The following TLK1 variants were observed in gnomAD, a reference collection of about 807,000 sequenced individuals.
TLK1 encodes serine/threonine-protein kinase tousled-like 1.
A neutral mutation model predicts 105.3 loss-of-function variants in TLK1; 24 were observed. The observed-to-expected ratio is 0.23, with a 90% CI of 0.17 to 0.32. TLK1 has a LOEUF of 0.32. Ranked by LOEUF, TLK1 falls within the 10% of genes least tolerant of loss-of-function variation. TLK1 has a pLI of 1.00. For synonymous variants in TLK1, 321 were observed against 310.4 expected, an observed-to-expected ratio of 1.03 and a Z score of -0.36; for missense variants, 558 against 910.5, an observed-to-expected ratio of 0.61 and a Z score of 4.98.
chr2:171,112,373 A>G (rs1690214414), intron 2 of TLK1, among the ~76,000 whole-genome samples: 3 of 152,236 alleles, frequency 2.0e-5, no homozygotes, highest in African/African-American at 7.2e-5. Context: ...GAAAAATCTG[A>G]GTCTTTTAAT....
Position 171,073,765 on chromosome 2 carries a change from T to TA in TLK1, c.330+9015dup, listed in dbSNP as rs963683879. On this transcript the variant is annotated intron_variant, in intron 3 of 20. Coordinates refer to ENST00000431350, the MANE Select transcript of TLK1 (RefSeq NM_012290.5). ...GGTGAATTAAATACTGTTTTCTCTTTAAAAAAAAAAAGTTACAAAGTAATT... is the reference window on the plus strand; with the variant it reads ...GGTGAATTAAATACTGTTTTCTCTTTAAAAAAAAAAAAGTTACAAAGTAATT... Among the ~76,000 whole-genome samples, 148 of 146,600 alleles carry TA rather than the reference T, an allele frequency of 1.0e-3. 2 individuals carry two copies. In the Middle Eastern group the frequency reaches 0.014, roughly 14 times the overall value.
intron 2 of TLK1, among the ~76,000 whole-genome samples, chr2:171,100,726 A>C (rs564088071): frequency 1.1e-4 from 17 of 152,330 alleles, no homozygotes; most frequent in African/African-American, 4.1e-4. Flanking sequence ...TGCTGGTAGG[A>C]ATATAAAATG....
chr2:171,048,361 G>A (rs1421690717), intron 10 of TLK1, among the ~76,000 whole-genome samples: 2 of 152,126 alleles, frequency 1.3e-5, no homozygotes, highest in African/African-American at 2.4e-5. Flanking sequence ...GACAATTGCC[G>A]GTCTGGGTTT....
chr2:171,055,718 G>A (rs1318189660), intron 6 of TLK1, among the ~76,000 whole-genome samples: 3 of 151,738 alleles, frequency 2.0e-5, no homozygotes, highest in African/African-American at 4.8e-5. Flanking sequence ...TTTTATACAC[G>A]GCAATGTGAT....
intron 14 of TLK1, among the ~76,000 whole-genome samples, chr2:171,010,303 G>A (rs1255772942): frequency 4.6e-5 from 7 of 152,116 alleles, no homozygotes; most frequent in Admixed American, 3.3e-4. Flanking sequence ...CAGATGAATG[G>A]CAATGTTATA....
chr2:171,092,620 C>T (rs990901355), intron 2 of TLK1, among the ~76,000 whole-genome samples: 12 of 152,004 alleles, frequency 7.9e-5, no homozygotes, highest in Non-Finnish European at 1.2e-4. Context: ...TGGGTTAAAC[C>T]TGCAAACTGT....
chr2:171,123,374 T>A (rs942067914), intron 1 of TLK1, among the ~76,000 whole-genome samples: 5 of 57,090 alleles, frequency 8.8e-5, no homozygotes, highest in African/African-American at 1.6e-4. Context: ...TTTTTGTAAT[T>A]TTTTTTTTAG....
chr2:171,019,464 A>G (rs1685375211), intron 12 of TLK1, among the ~76,000 whole-genome samples: 1 of 152,250 alleles, frequency 6.6e-6, no homozygotes, highest in Non-Finnish European at 1.5e-5. Flanking sequence ...CATTAAAACT[A>G]TAAGGCTTAA....
chr2:171,116,063 T>C (rs1690412616), intron 2 of TLK1, among the ~76,000 whole-genome samples: 1 of 152,230 alleles, frequency 6.6e-6, no homozygotes, highest in South Asian at 2.1e-4. Context: ...AAATGGTTAA[T>C]GGTGATGCTT....
chr2:171,187,707 A>G (rs1693061623), intron 1 of TLK1, among the ~76,000 whole-genome samples: 1 of 152,158 alleles, frequency 6.6e-6, no homozygotes, highest in South Asian at 2.1e-4. Context: ...GTTTTAAAAT[A>G]TTGTTTATTG....
At chr2:171,000,707 A>G (rs1392381557) in intron 18 of TLK1, among the ~76,000 whole-genome samples, 1 of 152,152 alleles carries the variant, frequency 6.6e-6, no homozygotes, top group Non-Finnish European at 1.5e-5. Context: ...AACTTTACAG[A>G]CATAATTTGT....
intron 3 of TLK1, among the ~76,000 whole-genome samples, chr2:171,081,469 T>C (rs1424685714): frequency 6.6e-6 from 1 of 152,214 alleles, no homozygotes; most frequent in Non-Finnish European, 1.5e-5. Flanking sequence ...TGGGAAAATA[T>C]CAAGAAATGT....
intron 11 of TLK1, chr2:171,045,500 C>A (rs1686918478): frequency 6.7e-6 from 1 of 150,278 alleles, no homozygotes; most frequent in South Asian, 2.1e-4. Flanking sequence ...CAGGCATGAG[C>A]CACCGTGCCC....
chr2:171,036,262 T>A (rs551619436), intron 11 of TLK1, among the ~76,000 whole-genome samples: 1 of 152,290 alleles, frequency 6.6e-6, no homozygotes, highest in Non-Finnish European at 1.5e-5. Flanking sequence ...CTGACCAGCA[T>A]GGTGAAACCC....
intron 18 of TLK1, among the ~76,000 whole-genome samples, chr2:171,002,438 C>A (rs373082377): frequency 1.3e-5 from 2 of 151,808 alleles, no homozygotes; most frequent in Non-Finnish European, 2.9e-5. Context: ...CCATGCCCGG[C>A]TAATTTTTTG....
upstream of TLK1, among the ~76,000 whole-genome samples, chr2:171,162,883 C>T (rs754948507): frequency 7.2e-5 from 11 of 152,214 alleles, no homozygotes; most frequent in Non-Finnish European, 1.3e-4. Flanking sequence ...GCCTCCGCCT[C>T]CCGGGTTCAA....
intron 2 of TLK1, among the ~76,000 whole-genome samples, chr2:171,098,398 A>T (rs901779192): frequency 6.6e-6 from 1 of 152,212 alleles, no homozygotes; most frequent in African/African-American, 2.4e-5. Context: ...ATACCTCAAT[A>T]AAGCTGGGGT....
chr2:171,153,217 A>C (rs1315613395), intron 1 of TLK1, among the ~76,000 whole-genome samples: 3 of 152,230 alleles, frequency 2.0e-5, no homozygotes, highest in African/African-American at 7.2e-5. Flanking sequence ...TCTAGGTCAC[A>C]CTGGTAAGTC....
At chr2:171,120,769 T>G (rs530436352) in intron 1 of TLK1, among the ~76,000 whole-genome samples, 5 of 152,224 alleles carry the variant, frequency 3.3e-5, no homozygotes, top group Non-Finnish European at 5.9e-5. Flanking sequence ...AATTACCATA[T>G]GATCCAGCAA....
Sources: allele counts gnomAD v4.1 joint callset (sites outside exome capture counted in the v4.1 genomes callset), GRCh38; gene constraint gnomAD v4.1.1; transcripts MANE v1.5; gene names NCBI Gene and HGNC (gene_info 2026-07-23, HGNC 2026-07-21).